PTPRK: variants seen among roughly 807,000 people sequenced by gnomAD.
The protein encoded by PTPRK is receptor-type tyrosine-protein phosphatase kappa.
Under a neutral mutation model 178.0 loss-of-function variants are expected in PTPRK, and 75 were observed. That is an observed-to-expected ratio of 0.42 (90% CI 0.35 to 0.51). The LOEUF (loss-of-function observed/expected upper bound fraction) is 0.51, where lower values mean the gene tolerates loss of function less well. PTPRK is among the 20% of genes least tolerant of loss of function. The pLI, the probability that PTPRK is intolerant of heterozygous loss-of-function variation, is 0.02. For missense variants in PTPRK, 1,441 were observed against 1,797.8 expected (o/e 0.80, Z 3.59); for synonymous variants, 637 against 620.6 (o/e 1.03, Z -0.39).
At chr6:128,282,090 C>T (rs1821766542) in intron 3 of PTPRK, among the ~76,000 whole-genome samples, 1 of 152,092 alleles carries the variant, frequency 6.6e-6, no homozygotes, top group South Asian at 2.1e-4. Flanking sequence ...CCAGTGAATC[C>T]ATATGCTACG....
chr6:128,364,691 T>C (rs1835242710), intron 2 of PTPRK, among the ~76,000 whole-genome samples: 1 of 152,040 alleles, frequency 6.6e-6, no homozygotes, highest in Admixed American at 6.6e-5. Context: ...TTTTAAAGTA[T>C]ATGGATAATT....
intron 8 of PTPRK, among the ~76,000 whole-genome samples, chr6:128,087,518 C>T (rs1028224284): frequency 1.3e-5 from 2 of 152,014 alleles, no homozygotes; most frequent in Non-Finnish European, 2.9e-5. Context: ...ACAATTACCC[C>T]TAATCATTCT....
chr6:128,507,481 T>G (rs1415962730), intron 1 of PTPRK, among the ~76,000 whole-genome samples: 2 of 152,150 alleles, frequency 1.3e-5, no homozygotes, highest in Non-Finnish European at 2.9e-5. Context: ...TCATAATGAA[T>G]GACCAAACAG....
At chr6:128,510,524 T>C (rs554609140) in intron 1 of PTPRK, among the ~76,000 whole-genome samples, 10 of 152,356 alleles carry the variant, frequency 6.6e-5, no homozygotes, top group African/African-American at 2.4e-4. Context: ...TTTTCAAAAA[T>C]AGTAGAGTTA....
chr6:128,356,502 T>C (rs926007235), intron 2 of PTPRK, among the ~76,000 whole-genome samples: 5 of 152,192 alleles, frequency 3.3e-5, no homozygotes, highest in African/African-American at 1.2e-4. Context: ...TGAGAACTAT[T>C]GGCAATTCTT....
At chr6:128,412,143 A>G (rs1280386821) in intron 1 of PTPRK, among the ~76,000 whole-genome samples, 1 of 152,210 alleles carries the variant, frequency 6.6e-6, no homozygotes, top group Admixed American at 6.5e-5. Flanking sequence ...TATGAGATGG[A>G]GTGTTAATTT....
At chr6:128,321,232 C>T (rs1828742810) in intron 3 of PTPRK, 1 of 152,410 alleles carries the variant, frequency 6.6e-6, no homozygotes, top group Non-Finnish European at 1.5e-5. Context: ...TAAACAAGTC[C>T]TTTAAAAGTT....
intron 13 of PTPRK, among the ~76,000 whole-genome samples, chr6:128,023,912 T>C (rs71565676): frequency 0.25 from 38,209 of 151,708 alleles, 7,037 homozygotes; most frequent in African/African-American, 0.52. Flanking sequence ...TCAAGCAATC[T>C]GCCTGCCTTG....
intron 1 of PTPRK, among the ~76,000 whole-genome samples, chr6:128,431,608 A>C (rs1156640013): frequency 6.6e-6 from 1 of 152,220 alleles, no homozygotes; most frequent in Non-Finnish European, 1.5e-5. Flanking sequence ...TTATGAACTG[A>C]AAATGCTCAA....
intron 7 of PTPRK, 98 bp from the exon 8 acceptor site, chr6:128,090,090 G>A: frequency 1.1e-6 from 1 of 947,556 alleles, no homozygotes; most frequent in Non-Finnish European, 1.6e-6. Flanking sequence ...TGCAAATCTA[G>A]AAAATGTGGA....
intron 2 of PTPRK, among the ~76,000 whole-genome samples, chr6:128,358,017 A>G (rs1364151111): frequency 6.6e-6 from 1 of 152,202 alleles, no homozygotes; most frequent in East Asian, 1.9e-4. Flanking sequence ...CACTCAGTGA[A>G]GCCGTATGAA....
At chr6:128,205,270 A>T (rs1806716377) in intron 6 of PTPRK, among the ~76,000 whole-genome samples, 2 of 152,092 alleles carry the variant, frequency 1.3e-5, no homozygotes, top group Non-Finnish European at 2.9e-5. Flanking sequence ...GGATGGAAGT[A>T]TGCGGGGGAG....
chr6:128,402,632 G>A (rs1197247470), intron 1 of PTPRK, among the ~76,000 whole-genome samples: 3 of 151,814 alleles, frequency 2.0e-5, no homozygotes, highest in Non-Finnish European at 2.9e-5. Flanking sequence ...TCCTTTTAAC[G>A]CTACACTTCT....
intron 13 of PTPRK, among the ~76,000 whole-genome samples, chr6:128,032,717 C>G (rs953583847): frequency 6.6e-6 from 1 of 152,038 alleles, no homozygotes; most frequent in African/African-American, 2.4e-5. Flanking sequence ...TTTGTAGATT[C>G]TACATTTTAA....
chr6:128,359,555 C>T (rs982310721), intron 2 of PTPRK, among the ~76,000 whole-genome samples: 3 of 151,900 alleles, frequency 2.0e-5, no homozygotes, highest in African/African-American at 7.3e-5. Flanking sequence ...AGCCCGGGGC[C>T]AGCCTAACCT....
intron 6 of PTPRK, among the ~76,000 whole-genome samples, chr6:128,210,248 T>C (rs1807860268): frequency 6.6e-6 from 1 of 152,098 alleles, no homozygotes; most frequent in Non-Finnish European, 1.5e-5. Context: ...CAGATTTCTA[T>C]TCACTGCATT....
At chr6:128,052,621 C>T (rs1779205918) in intron 13 of PTPRK, among the ~76,000 whole-genome samples, 1 of 151,110 alleles carries the variant, frequency 6.6e-6, no homozygotes, top group Non-Finnish European at 1.5e-5. Context: ...TAGTGGGAAA[C>T]CATAATGTCT....
intron 3 of PTPRK, among the ~76,000 whole-genome samples, chr6:128,246,965 A>C (rs1247846164): frequency 6.6e-6 from 1 of 152,214 alleles, no homozygotes; most frequent in Non-Finnish European, 1.5e-5. Flanking sequence ...GAACAAGGAC[A>C]ACTTTTTCCT....
chr6:128,514,370 A>ATGTGTGTGTG (rs146438569), intron 1 of PTPRK, among the ~76,000 whole-genome samples: 3,283 of 148,354 alleles, frequency 0.022, 50 homozygotes, highest in African/African-American at 0.03. Flanking sequence ...CATTGTTAAG[A>ATGTGTGTGTG]TGTGTGTGTG....
Sources: gnomAD v4.1 joint callset for allele counts (sites outside exome capture counted in the v4.1 genomes callset) on GRCh38, gnomAD v4.1.1 for gene constraint, MANE v1.5 for transcripts, NCBI Gene and HGNC (gene_info 2026-07-23, HGNC 2026-07-21) for gene names.